Variants in RHBDD1 observed in about 807,000 individuals in gnomAD.
RHBDD1 encodes rhomboid domain containing 1, also known as rhomboid-related protein 4.
A neutral mutation model predicts 36.3 loss-of-function variants in RHBDD1; 38 were observed. That is an observed-to-expected ratio of 1.05 (90% CI 0.81 to 1.37). RHBDD1 has a LOEUF of 1.37. RHBDD1 is among the 40% of genes most tolerant of loss of function. The pLI is 0.00. For missense variants in RHBDD1, 393 were observed against 377.6 expected, an observed-to-expected ratio of 1.04 and a Z score of -0.34; for synonymous variants, 151 against 136.5, an observed-to-expected ratio of 1.11 and a Z score of -0.74.
upstream of RHBDD1, among the ~76,000 whole-genome samples, chr2:226,831,504 C>A (rs998596856): frequency 6.6e-6 from 1 of 152,126 alleles, no homozygotes; most frequent in Non-Finnish European, 1.5e-5. Flanking sequence ...CAGGCAGAGA[C>A]TGAAGTGCTG....
At chr2:226,906,693 C>A in intron 5 of RHBDD1, 100 bp from the exon 6 acceptor site, 1 of 1,593,444 alleles carries the variant, frequency 6.3e-7, no homozygotes, top group Non-Finnish European at 8.5e-7. Flanking sequence ...ACAAAGCCTG[C>A]AGACTGTGAC....
intron 8 of RHBDD1, among the ~76,000 whole-genome samples, chr2:226,981,638 A>T (rs1955795547): frequency 6.6e-6 from 1 of 152,146 alleles, no homozygotes; most frequent in Non-Finnish European, 1.5e-5. Context: ...TAATGAGTTA[A>T]TCAGACCTAA....
rs186401142 is a variant in RHBDD1, at chr2:226,836,454, A to G, written c.-392+367A>G. Among the ~76,000 whole-genome samples the G allele has an allele frequency of 1.1e-3, 172 of 152,348 alleles. 1 individual carries two copies. Among genetic ancestry groups the G allele is most frequent in the African/African-American group, 3.6e-3 (149 of 41,592 alleles). ...AGTTTGAAGTGACGTTGCATCAGCAACAGAGCATGCAGTTTCAGGTGCTCT... is the reference window on the plus strand; with the variant it reads ...AGTTTGAAGTGACGTTGCATCAGCAGCAGAGCATGCAGTTTCAGGTGCTCT... On this transcript the variant is annotated intron_variant, in intron 1 of 8. Coordinates refer to ENST00000392062, the MANE Select transcript of RHBDD1 (RefSeq NM_001167608.3).
intron 5 of RHBDD1, among the ~76,000 whole-genome samples, chr2:226,894,747 G>A (rs1235099674): frequency 6.6e-6 from 1 of 152,166 alleles, no homozygotes; most frequent in Non-Finnish European, 1.5e-5. Flanking sequence ...CTATAAGGTG[G>A]TATTGGGTGT....
chr2:226,873,343 A>G (rs1403169017), intron 5 of RHBDD1, among the ~76,000 whole-genome samples: 1 of 152,240 alleles, frequency 6.6e-6, no homozygotes, highest in Non-Finnish European at 1.5e-5. Context: ...GGGCTACTCC[A>G]GTGACAACTG....
intron 5 of RHBDD1, among the ~76,000 whole-genome samples, chr2:226,906,271 A>G (rs905162941): frequency 6.6e-6 from 1 of 152,156 alleles, no homozygotes; most frequent in Non-Finnish European, 1.5e-5. Flanking sequence ...CATGAAGACA[A>G]CTTTGGTGGA....
At chr2:226,822,632 T>G in the RHBDD1 span, among the ~76,000 whole-genome samples, 5 of 105,610 alleles carry the variant, frequency 4.7e-5, no homozygotes, top group Admixed American at 3.0e-4. Context: ...ATATTTTGTC[T>G]CAAAAAAAAA....
At chr2:226,932,147 C>A (rs1950067587) in intron 8 of RHBDD1, among the ~76,000 whole-genome samples, 1 of 151,906 alleles carries the variant, frequency 6.6e-6, no homozygotes, top group Non-Finnish European at 1.5e-5. Flanking sequence ...TATAGTTTTT[C>A]TTTTTTATTA....
chr2:226,906,517 A>T (rs919401532), intron 5 of RHBDD1, among the ~76,000 whole-genome samples: 1 of 152,200 alleles, frequency 6.6e-6, no homozygotes. Flanking sequence ...GTCTTGACCA[A>T]ATGCTTCCAC....
At chr2:226,984,150 C>T (rs1013713974) in intron 8 of RHBDD1, among the ~76,000 whole-genome samples, 25 of 152,364 alleles carry the variant, frequency 1.6e-4, no homozygotes, top group African/African-American at 5.3e-4. Flanking sequence ...CACTGGGGGT[C>T]TGCCCAGCAG....
intron 8 of RHBDD1, 44 bp downstream of exon 8, chr2:226,914,395 G>A (rs771083250): frequency 5.7e-6 from 9 of 1,569,638 alleles, no homozygotes; most frequent in Admixed American, 3.8e-5. Flanking sequence ...CATACCTCAT[G>A]TGGTAAGGTA....
intron 5 of RHBDD1, among the ~76,000 whole-genome samples, chr2:226,891,487 T>C (rs73085827): frequency 0.016 from 2,407 of 152,290 alleles, 58 homozygotes; most frequent in African/African-American, 0.055. Flanking sequence ...CCACCTATGC[T>C]CATTGGCAGA....
chr2:226,860,751 C>G (rs1943780277), intron 3 of RHBDD1, among the ~76,000 whole-genome samples: 1 of 152,154 alleles, frequency 6.6e-6, no homozygotes, highest in Admixed American at 6.5e-5. Context: ...CACTGGGACT[C>G]TAATGGCCTT....
intron 7 of RHBDD1, among the ~76,000 whole-genome samples, chr2:226,909,368 A>G (rs1208399075): frequency 1.3e-5 from 2 of 152,166 alleles, no homozygotes; most frequent in African/African-American, 4.8e-5. Context: ...ATAGATAGAA[A>G]AGACTTCCTG....
chr2:226,820,644 CAAA>C, the RHBDD1 span, among the ~76,000 whole-genome samples: 23,261 of 64,200 alleles, frequency 0.36, 3,425 homozygotes, highest in African/African-American at 0.54. Context: ...TCCATCTCCA[CAAA>C]AAAAAAAAAA....
intron 5 of RHBDD1, among the ~76,000 whole-genome samples, chr2:226,874,638 A>G (rs1276738870): frequency 6.6e-6 from 1 of 152,072 alleles, no homozygotes; most frequent in Non-Finnish European, 1.5e-5. Flanking sequence ...CTTTCTTATC[A>G]GGACACTTGT....
At chr2:226,930,178 C>T (rs1949935770) in intron 8 of RHBDD1, among the ~76,000 whole-genome samples, 1 of 151,840 alleles carries the variant, frequency 6.6e-6, no homozygotes. Context: ...TCATATGGAA[C>T]CAAAAAAGAG....
At chr2:226,853,192 T>A (rs1378455601) in intron 3 of RHBDD1, among the ~76,000 whole-genome samples, 1 of 152,172 alleles carries the variant, frequency 6.6e-6, no homozygotes. Flanking sequence ...CATTCAAACT[T>A]CAGCTTATCC....
rs185750835 is a variant in RHBDD1, at chr2:226,917,978, C to G, written c.856+3627C>G. On this transcript the variant is annotated intron_variant, in intron 8 of 8. Coordinates refer to ENST00000392062, the MANE Select transcript of RHBDD1 (RefSeq NM_001167608.3). ...AATGAAAAAATTGTGGAAGATAGAC[C>G]ATTGAAAACTTTGACAAAGAATTAA... is the stretch of plus-strand genomic sequence containing the variant. Among the ~76,000 whole-genome samples the G allele has an allele frequency of 7.2e-5, 11 of 151,842 alleles. No homozygotes were observed. The South Asian group carries it at 2.3e-3, about 32-fold the overall frequency.
Sources: gnomAD v4.1 joint callset for allele counts (sites outside exome capture counted in the v4.1 genomes callset) on GRCh38, gnomAD v4.1.1 for gene constraint, MANE v1.5 for transcripts, NCBI Gene and HGNC (gene_info 2026-07-23, HGNC 2026-07-21) for gene names.